The following EFCAB5 variants were observed in gnomAD, a reference collection of about 807,000 sequenced individuals.
EFCAB5 encodes EF-hand calcium-binding domain-containing protein 5.
Under a neutral mutation model 167.9 loss-of-function variants are expected in EFCAB5, and 131 were observed. That is an observed-to-expected ratio of 0.78 (90% CI 0.68 to 0.90). The LOEUF (loss-of-function observed/expected upper bound fraction) is 0.90, where lower values mean the gene tolerates loss of function less well. Among genes scored for constraint, EFCAB5 ranks in the 40% least tolerant of loss-of-function variants. The pLI, the probability that EFCAB5 is intolerant of heterozygous loss-of-function variation, is 0.00. For missense variants in EFCAB5, 1,663 were observed against 1,745.2 expected (o/e 0.95, Z 0.84); for synonymous variants, 574 against 602.8 (o/e 0.95, Z 0.70).
chr17:29,964,216 A>C (rs2067779774), intron 3 of EFCAB5, among the ~76,000 whole-genome samples: 1 of 152,182 alleles, frequency 6.6e-6, no homozygotes, highest in Non-Finnish European at 1.5e-5. Flanking sequence ...GAGTCAGTTT[A>C]GGTAATTTCA....
At chr17:29,988,016 A>G (rs2068326070) in intron 4 of EFCAB5, among the ~76,000 whole-genome samples, 1 of 152,196 alleles carries the variant, frequency 6.6e-6, no homozygotes, top group African/African-American at 2.4e-5. Flanking sequence ...AAGATGAGGA[A>G]TGCACCATTT....
At chr17:29,986,714 T>G (rs2068291963) in intron 4 of EFCAB5, among the ~76,000 whole-genome samples, 1 of 132,542 alleles carries the variant, frequency 7.5e-6, no homozygotes. Context: ...TGGCGCAATC[T>G]CGGCTCACTG....
At chr17:30,034,167 G>A in intron 7 of EFCAB5, 63 bp from the exon 8 acceptor site, 1 of 1,564,082 alleles carries the variant, frequency 6.4e-7, no homozygotes, top group Non-Finnish European at 8.7e-7. Context: ...TTGAATCCTG[G>A]GGAAAATCCA....
At chr17:30,091,850 G>A in intron 20 of EFCAB5, 21 bp from the exon 21 acceptor site, 1 of 1,610,714 alleles carries the variant, frequency 6.2e-7, no homozygotes, top group Non-Finnish European at 8.5e-7. Context: ...AGCAATGTGA[G>A]CTATCATTTT....
At chr17:30,067,784 C>T (rs553132790) in intron 14 of EFCAB5, among the ~76,000 whole-genome samples, 1 of 152,072 alleles carries the variant, frequency 6.6e-6, no homozygotes, top group Non-Finnish European at 1.5e-5. Flanking sequence ...ACAAAGATAA[C>T]CACTTTCACC....
At chr17:30,056,284 G>A (rs1257197593) in intron 12 of EFCAB5, 128 bp downstream of exon 12, 1 of 829,446 alleles carries the variant, frequency 1.2e-6, no homozygotes. Flanking sequence ...GCATTATTTT[G>A]TCCTTGAGCT....
chr17:30,062,385 G>A (rs572808059), intron 14 of EFCAB5, among the ~76,000 whole-genome samples: 1 of 152,302 alleles, frequency 6.6e-6, no homozygotes, highest in South Asian at 2.1e-4. Context: ...TGGGAACTGG[G>A]AAGAACTTCT....
chr17:30,054,537 T>C (rs951452150), intron 10 of EFCAB5, among the ~76,000 whole-genome samples: 40 of 152,186 alleles, frequency 2.6e-4, no homozygotes, highest in African/African-American at 9.7e-4. Flanking sequence ...CAGTTAAATA[T>C]AAAATATATG....
chr17:30,033,157 C>T (rs1236623239), intron 7 of EFCAB5, among the ~76,000 whole-genome samples: 18 of 151,968 alleles, frequency 1.2e-4, no homozygotes, highest in Admixed American at 1.2e-3. Flanking sequence ...CGGCTCACTG[C>T]AAGCTCCGCC....
At chr17:30,025,267 C>T (rs1333356599) in intron 7 of EFCAB5, among the ~76,000 whole-genome samples, 2 of 151,624 alleles carry the variant, frequency 1.3e-5, no homozygotes, top group African/African-American at 4.8e-5. Flanking sequence ...GCAACCTACT[C>T]ATCTGACAAA....
chr17:30,085,719 C>CAA (rs60700223), intron 18 of EFCAB5, among the ~76,000 whole-genome samples: 4 of 125,468 alleles, frequency 3.2e-5, no homozygotes, highest in East Asian at 2.8e-4. Context: ...GACTCCGTCT[C>CAA]AAAAAAAAAA....
intron 8 of EFCAB5, among the ~76,000 whole-genome samples, chr17:30,047,450 G>T (rs971746249): frequency 6.6e-6 from 1 of 152,152 alleles, no homozygotes; most frequent in Non-Finnish European, 1.5e-5. Flanking sequence ...CAAGGGAAAT[G>T]ATTGGCTTCT....
At chr17:29,994,196 G>C (rs1261245176) in intron 5 of EFCAB5, among the ~76,000 whole-genome samples, 1 of 119,742 alleles carries the variant, frequency 8.4e-6, no homozygotes. Flanking sequence ...TATATCACAC[G>C]TGCACACACA....
At chr17:29,955,496 G>A (rs1294943399) in intron 3 of EFCAB5, among the ~76,000 whole-genome samples, 2 of 152,054 alleles carry the variant, frequency 1.3e-5, no homozygotes, top group Non-Finnish European at 2.9e-5. Context: ...CACCATGATT[G>A]TGAGGCCTCC....
rs756265245 is a variant in EFCAB5, at chr17:30,108,063, C to CTTTGTTTGTTATCAGT, written c.*51_*66dup. On this transcript the variant is annotated 3_prime_UTR_variant, in exon 23 of 23. Transcript: ENST00000394835. Reference sequence around the variant, plus strand: ...TGGAATTGATACTGTATTTAGGATCCTTTGTTTGTTATCAGTTTTGTTTGT... The same window carrying CTTTGTTTGTTATCAGT: ...TGGAATTGATACTGTATTTAGGATCCTTTGTTTGTTATCAGTTTTGTTTGTTATCAGTTTTGTTTGT... The CTTTGTTTGTTATCAGT allele has an allele frequency of 6.5e-7, 1 of 1,542,276 alleles. No individual in the cohort carries two copies. Among genetic ancestry groups the CTTTGTTTGTTATCAGT allele is most frequent in the South Asian group, 1.3e-5 (1 of 78,672 alleles).
chr17:30,089,067 T>C (rs2071144325), intron 19 of EFCAB5, among the ~76,000 whole-genome samples: 1 of 152,178 alleles, frequency 6.6e-6, no homozygotes, highest in Non-Finnish European at 1.5e-5. Flanking sequence ...ATTAGGTATA[T>C]CTACTAATGC....
At chr17:30,107,796 C>G (rs2071467804) in intron 22 of EFCAB5, 38 bp from the exon 23 acceptor site, 1 of 1,421,814 alleles carries the variant, frequency 7.0e-7, no homozygotes, top group African/African-American at 1.9e-5. Flanking sequence ...AAGTGCAAAA[C>G]TCTCCACTCT....
At chr17:29,957,191 G>A (rs773877154) in intron 3 of EFCAB5, among the ~76,000 whole-genome samples, 2 of 151,922 alleles carry the variant, frequency 1.3e-5, no homozygotes, top group African/African-American at 2.4e-5. Context: ...TGCTTTTTTG[G>A]CATCATTTGA....
Position 29,982,738 on chromosome 17 carries a change from G to A in EFCAB5, c.768-10427G>A, listed in dbSNP as rs114972620. On this transcript the variant is annotated intron_variant, in intron 4 of 22. Transcript: ENST00000394835. ...ATCTGGTATACTGAGGTCACTCAAAGTTCATGGTCAATTATCCACTTAAGC... is the reference window on the plus strand; with the variant it reads ...ATCTGGTATACTGAGGTCACTCAAAATTCATGGTCAATTATCCACTTAAGC... 7.6e-3 allele frequency among the ~76,000 whole-genome samples: 1,155 copies of A among 152,274 alleles called. 22 individuals are homozygous for A. Among genetic ancestry groups the A allele is most frequent in the African/African-American group, 0.026 (1,099 of 41,546 alleles).
Sources: allele counts gnomAD v4.1 joint callset (sites outside exome capture counted in the v4.1 genomes callset), GRCh38; gene constraint gnomAD v4.1.1; transcripts MANE v1.5; gene names NCBI Gene and HGNC (gene_info 2026-07-23, HGNC 2026-07-21).